The following TUSC3 variants were observed in gnomAD, a reference collection of about 807,000 sequenced individuals.
TUSC3 encodes the protein tumor suppressor candidate 3, also known as dolichyl-diphosphooligosaccharide--protein glycosyltransferase subunit TUSC3.
Under a neutral mutation model 44.8 loss-of-function variants are expected in TUSC3, and 45 were observed. The observed-to-expected ratio is 1.00, with a 90% CI of 0.79 to 1.29. The LOEUF (loss-of-function observed/expected upper bound fraction) is 1.29, where lower values mean the gene tolerates loss of function less well. Ranked by LOEUF, TUSC3 falls within the 50% of genes most tolerant of loss-of-function variation. The probability of loss-of-function intolerance (pLI) is 0.00; values close to 1 mark genes in which losing one functional copy is unlikely to be tolerated. For synonymous variants in TUSC3, 212 were observed against 152.9 expected (o/e 1.39, Z -2.85); for missense variants, 519 against 437.9 (o/e 1.19, Z -1.65).
intron 2 of TUSC3, among the ~76,000 whole-genome samples, chr8:15,522,792 C>T (rs1053820377): frequency 6.6e-6 from 1 of 152,094 alleles, no homozygotes; most frequent in African/African-American, 2.4e-5. Context: ...AGCTCCTTTT[C>T]TCTAGTGAGG....
intron 1 of TUSC3, among the ~76,000 whole-genome samples, chr8:15,611,290 G>A (rs985296387): frequency 6.6e-6 from 1 of 152,046 alleles, no homozygotes; most frequent in African/African-American, 2.4e-5. Flanking sequence ...AGGTTGAAAC[G>A]ATTCTCCTGC....
intron 7 of TUSC3, among the ~76,000 whole-genome samples, chr8:15,740,882 C>A (rs1057274651): frequency 1.3e-5 from 2 of 151,968 alleles, no homozygotes; most frequent in Admixed American, 1.3e-4. Context: ...AAACAAATGC[C>A]ATCAGTAAGA....
intron 6 of TUSC3, among the ~76,000 whole-genome samples, chr8:15,675,514 G>A (rs1484493843): frequency 6.6e-6 from 1 of 151,398 alleles, no homozygotes. Flanking sequence ...TTGGTACATT[G>A]CATAATACTA....
At chr8:15,791,303 A>ACG in the TUSC3 span, among the ~76,000 whole-genome samples, 3 of 151,606 alleles carry the variant, frequency 2.0e-5, no homozygotes, top group Non-Finnish European at 2.9e-5. Context: ...ACACACACAC[A>ACG]CAGGCATCTT....
intron 6 of TUSC3, among the ~76,000 whole-genome samples, chr8:15,694,280 T>C (rs570705660): frequency 6.6e-6 from 1 of 151,908 alleles, no homozygotes; most frequent in South Asian, 2.1e-4. Context: ...CTGTCTCTAC[T>C]GAAAATACAA....
At chr8:15,670,808 G>C (rs1165908817) in intron 5 of TUSC3, among the ~76,000 whole-genome samples, 2 of 151,786 alleles carry the variant, frequency 1.3e-5, no homozygotes, top group Admixed American at 6.6e-5. Flanking sequence ...CAAAGAACTG[G>C]TACCCAGAAA....
chr8:15,491,533 G>C (rs931726437), intron 2 of TUSC3, among the ~76,000 whole-genome samples: 1 of 152,054 alleles, frequency 6.6e-6, no homozygotes, highest in Non-Finnish European at 1.5e-5. Flanking sequence ...TTCTAGTCAA[G>C]AGATAGAGTT....
At chr8:15,452,711 C>G (rs1253532727) in intron 1 of TUSC3, among the ~76,000 whole-genome samples, 1 of 152,144 alleles carries the variant, frequency 6.6e-6, no homozygotes, top group Middle Eastern at 3.2e-3. Flanking sequence ...CCAGCTATCA[C>G]CAGACCCTGG....
the TUSC3 span, among the ~76,000 whole-genome samples, chr8:15,772,738 C>G: frequency 2.0e-5 from 3 of 152,074 alleles, no homozygotes; most frequent in African/African-American, 7.2e-5. Flanking sequence ...TATGACAGTG[C>G]ATGTAAAAAT....
intron 2 of TUSC3, among the ~76,000 whole-genome samples, chr8:15,533,930 G>A (rs1801484609): frequency 6.6e-6 from 1 of 152,142 alleles, no homozygotes; most frequent in African/African-American, 2.4e-5. Flanking sequence ...TCTGGTTGGA[G>A]GTGTCATTTG....
intron 6 of TUSC3, among the ~76,000 whole-genome samples, chr8:15,714,373 GA>G (rs1809982636): frequency 6.6e-6 from 1 of 152,070 alleles, no homozygotes; most frequent in Non-Finnish European, 1.5e-5. Flanking sequence ...AAAGATAGAG[GA>G]TTGAAAAAAA....
chr8:15,693,142 T>A (rs1430152573), intron 6 of TUSC3, among the ~76,000 whole-genome samples: 1 of 152,224 alleles, frequency 6.6e-6, no homozygotes, highest in African/African-American at 2.4e-5. Flanking sequence ...TTGGGGCATT[T>A]AGCCTGTTTA....
chr8:15,609,114 T>C (rs890393642), intron 1 of TUSC3, among the ~76,000 whole-genome samples: 3 of 152,354 alleles, frequency 2.0e-5, no homozygotes, highest in East Asian at 3.9e-4. Context: ...TTTTAGTGAC[T>C]GATTTGTGTG....
the TUSC3 span, among the ~76,000 whole-genome samples, chr8:15,791,903 T>A: frequency 6.6e-6 from 1 of 152,124 alleles, no homozygotes; most frequent in Non-Finnish European, 1.5e-5. Flanking sequence ...CCAACCTGCA[T>A]CATCTCTCTT....
At position 15,743,611 on chromosome 8, in the gene TUSC3, G is replaced by GAGTA; in HGVS notation, c.937+3_937+6dup. ...CGAAAGGCGATGTTGGAAAAAGACGGAGTAAGTCTCTGTGTTGCCATTTTT... is the reference window on the plus strand; with the variant it reads ...CGAAAGGCGATGTTGGAAAAAGACGGAGTAAGTAAGTCTCTGTGTTGCCATTTTT... On this transcript the variant is annotated frameshift_variant and splice_region_variant, in exon 8 of 11. Coordinates refer to ENST00000503731, the MANE Select transcript of TUSC3 (RefSeq NM_006765.4). LOFTEE classifies it high-confidence loss of function. 2.5e-6 allele frequency: 4 copies of GAGTA among 1,613,924 alleles called. No individual in the cohort carries two copies. The highest frequency in any genetic ancestry group is 3.4e-6 in the Non-Finnish European group (4 of 1,179,840).
intron 1 of TUSC3, among the ~76,000 whole-genome samples, chr8:15,418,347 G>C (rs564519145): frequency 1.3e-5 from 2 of 152,012 alleles, no homozygotes; most frequent in Non-Finnish European, 2.9e-5. Context: ...CAACATAGAT[G>C]ACGCATTTTT....
At chr8:15,842,954 C>A in the TUSC3 span, among the ~76,000 whole-genome samples, 2 of 152,260 alleles carry the variant, frequency 1.3e-5, no homozygotes, top group East Asian at 3.9e-4. Flanking sequence ...TGTTTTTTGA[C>A]AGTGCTCAAT....
chr8:15,689,165 T>G (rs1326151690), intron 6 of TUSC3: 1 of 408,748 alleles, frequency 2.4e-6, no homozygotes, highest in African/African-American at 2.1e-5. Flanking sequence ...TCCACTCTGC[T>G]TCTTGCTTCG....
intron 1 of TUSC3, among the ~76,000 whole-genome samples, chr8:15,617,643 C>A (rs1234804225): frequency 6.6e-6 from 1 of 152,136 alleles, no homozygotes; most frequent in African/African-American, 2.4e-5. Flanking sequence ...CTGTGAGAAA[C>A]AAAAATAACT....
Sources: gnomAD v4.1 joint callset for allele counts (sites outside exome capture counted in the v4.1 genomes callset) on GRCh38, gnomAD v4.1.1 for gene constraint, MANE v1.5 for transcripts, NCBI Gene and HGNC (gene_info 2026-07-23, HGNC 2026-07-21) for gene names.